BBS9: variants seen among roughly 807,000 people sequenced by gnomAD.
BBS9 encodes the protein protein PTHB1.
In BBS9, 89 loss-of-function variants were observed where a neutral mutation model predicts 117.7. The ratio of observed to expected loss-of-function variants is 0.76; its 90% confidence interval spans 0.64 to 0.90. BBS9 has a LOEUF of 0.90. Ranked by LOEUF, BBS9 falls within the 40% of genes least tolerant of loss-of-function variation. BBS9 has a pLI of 0.00. For synonymous variants in BBS9, 379 were observed against 370.9 expected (o/e 1.02, Z -0.25); for missense variants, 982 against 1,042.2 (o/e 0.94, Z 0.80).
chr7:33,270,000 C>T (rs1170708244), intron 7 of BBS9, among the ~76,000 whole-genome samples: 16 of 132,074 alleles, frequency 1.2e-4, no homozygotes, highest in South Asian at 4.9e-4. Flanking sequence ...TCCAGCCTGG[C>T]GACAGAGCAA....
At chr7:33,469,918 C>A (rs1422718174) in intron 19 of BBS9, among the ~76,000 whole-genome samples, 1 of 152,104 alleles carries the variant, frequency 6.6e-6, no homozygotes, top group Admixed American at 6.5e-5. Context: ...AAAATAATAT[C>A]TTCTTTTTCT....
intron 21 of BBS9, among the ~76,000 whole-genome samples, chr7:33,543,055 G>A (rs1852657289): frequency 1.3e-5 from 2 of 152,082 alleles, no homozygotes; most frequent in African/African-American, 2.4e-5. Flanking sequence ...CATAGTGGTT[G>A]TACTAGTTTA....
At chr7:33,172,603 C>A (rs528058102) in intron 4 of BBS9, among the ~76,000 whole-genome samples, 1 of 152,306 alleles carries the variant, frequency 6.6e-6, no homozygotes, top group Non-Finnish European at 1.5e-5. Flanking sequence ...AGACACATAA[C>A]ACACATGGAC....
chr7:33,476,416 G>T (rs959864311), intron 19 of BBS9, among the ~76,000 whole-genome samples: 2 of 152,222 alleles, frequency 1.3e-5, no homozygotes, highest in Admixed American at 1.3e-4. Flanking sequence ...GGGAGGCACT[G>T]GGAGGAGACT....
chr7:33,276,634 C>T (rs1281323897), intron 9 of BBS9, among the ~76,000 whole-genome samples: 1 of 152,034 alleles, frequency 6.6e-6, no homozygotes, highest in African/African-American at 2.4e-5. Flanking sequence ...AATATCTAGT[C>T]ATCCGGCAAA....
At chr7:33,540,117 T>C (rs1034499762) in intron 21 of BBS9, among the ~76,000 whole-genome samples, 20 of 152,194 alleles carry the variant, frequency 1.3e-4, no homozygotes, top group Non-Finnish European at 7.3e-5. Flanking sequence ...ATGTAAAAAC[T>C]TAGAATGTGT....
At chr7:33,345,418 A>G (rs374797003) in intron 12 of BBS9, among the ~76,000 whole-genome samples, 5 of 152,080 alleles carry the variant, frequency 3.3e-5, no homozygotes, top group African/African-American at 1.2e-4. Context: ...GGGGCTTTAT[A>G]TTTTCTTAGA....
At position 33,588,589 on chromosome 7, in the gene BBS9, A is replaced by G. The variant is rs1253758683; in HGVS notation, c.2522-16276A>G. 5.3e-4 allele frequency among the ~76,000 whole-genome samples: 81 copies of G among 152,176 alleles called. 1 individual carries two copies. The highest frequency in any genetic ancestry group is 7.4e-5 in the Non-Finnish European group (5 of 68,024). On this transcript the variant is annotated intron_variant, in intron 21 of 22. Coordinates refer to ENST00000242067, the MANE Select transcript of BBS9 (RefSeq NM_198428.3). ...CAAGTGAAGACAATAAGCAATAAGC[A>G]TGATAAATAAGTGAACTATGTATGT...
intron 21 of BBS9, among the ~76,000 whole-genome samples, chr7:33,585,792 T>G (rs2129169275): frequency 1.3e-5 from 2 of 152,134 alleles, no homozygotes; most frequent in African/African-American, 4.8e-5. Flanking sequence ...ATCTGTACAT[T>G]CCTGCCTTGT....
Position 33,334,989 on chromosome 7 carries a change from G to A in BBS9, c.1017-1452G>A, listed in dbSNP as rs1814995397. Among the ~76,000 whole-genome samples, 3 of 152,286 alleles carry A rather than the reference G, an allele frequency of 2.0e-5. No homozygotes were observed. The South Asian group carries it at 6.2e-4, about 32-fold the overall frequency. On this transcript the variant is annotated intron_variant, in intron 9 of 22. Coordinates refer to ENST00000242067, the MANE Select transcript of BBS9 (RefSeq NM_198428.3). ...TTGTGTTTAAGGCAGGTGGTGAAGT[G>A]GATGCTGGTGACCATCTTATGGGCA... is the stretch of plus-strand genomic sequence containing the variant.
intron 4 of BBS9, among the ~76,000 whole-genome samples, chr7:33,176,597 C>A (rs1797356752): frequency 6.6e-6 from 1 of 152,202 alleles, no homozygotes; most frequent in African/African-American, 2.4e-5. Flanking sequence ...CAAATAAATG[C>A]TCCTATATAA....
chr7:33,517,842 G>C (rs768977038), intron 20 of BBS9, among the ~76,000 whole-genome samples: 6 of 152,174 alleles, frequency 3.9e-5, no homozygotes, highest in African/African-American at 1.4e-4. Flanking sequence ...TATTCTCAAT[G>C]ATGAGTGCCT....
intron 2 of BBS9, among the ~76,000 whole-genome samples, chr7:33,148,238 G>A (rs1170173609): frequency 6.6e-6 from 1 of 152,144 alleles, no homozygotes; most frequent in African/African-American, 2.4e-5. Context: ...TATATTTGGA[G>A]CTCTGAGAAC....
At chr7:33,416,740 A>G (rs1832072945) in intron 19 of BBS9, among the ~76,000 whole-genome samples, 1 of 152,156 alleles carries the variant, frequency 6.6e-6, no homozygotes, top group Non-Finnish European at 1.5e-5. Context: ...TTCCAAATCC[A>G]TAGCTTATGA....
intron 4 of BBS9, among the ~76,000 whole-genome samples, chr7:33,175,297 C>G (rs542627336): frequency 7.9e-5 from 12 of 151,152 alleles, no homozygotes; most frequent in African/African-American, 2.9e-4. Context: ...GAGACTCTGT[C>G]TTTAAAAAAT....
chr7:33,496,076 C>T (rs1585025533), intron 19 of BBS9, among the ~76,000 whole-genome samples: 2 of 152,196 alleles, frequency 1.3e-5, no homozygotes, highest in Non-Finnish European at 1.5e-5. Flanking sequence ...CTTAGTGTTT[C>T]GAAGGATCAG....
chr7:33,215,368 CA>C (rs2128230521), intron 5 of BBS9, among the ~76,000 whole-genome samples: 2 of 152,258 alleles, frequency 1.3e-5, no homozygotes, highest in African/African-American at 4.8e-5. Flanking sequence ...TCATTTTTGA[CA>C]AAGATGCCAA....
intron 10 of BBS9, among the ~76,000 whole-genome samples, chr7:33,338,759 G>C (rs536004213): frequency 3.2e-4 from 48 of 152,254 alleles, no homozygotes; most frequent in African/African-American, 1.0e-3. Context: ...ATCCTGCCTA[G>C]TATTTTTGTT....
chr7:33,538,655 A>G (rs1851822024), intron 21 of BBS9, among the ~76,000 whole-genome samples: 1 of 151,892 alleles, frequency 6.6e-6, no homozygotes, highest in Non-Finnish European at 1.5e-5. Flanking sequence ...TTGGTTTTAC[A>G]TTTTGAATTT....
Sources: gnomAD v4.1 joint callset for allele counts (sites outside exome capture counted in the v4.1 genomes callset) on GRCh38, gnomAD v4.1.1 for gene constraint, MANE v1.5 for transcripts, NCBI Gene and HGNC (gene_info 2026-07-23, HGNC 2026-07-21) for gene names.